The following SIM1 variants were observed in gnomAD, a reference collection of about 807,000 sequenced individuals.
The protein encoded by SIM1 is single-minded homolog 1.
SIM1 carries 18 observed loss-of-function variants against 78.2 expected under a neutral mutation model. The observed-to-expected ratio is 0.23, with a 90% CI of 0.16 to 0.34. SIM1 has a LOEUF of 0.34. Among genes scored for constraint, SIM1 ranks in the 10% least tolerant of loss-of-function variants. The pLI, the probability that SIM1 is intolerant of heterozygous loss-of-function variation, is 1.00. For synonymous variants in SIM1, 417 were observed against 385.2 expected (o/e 1.08, Z -0.97); for missense variants, 939 against 975.1 (o/e 0.96, Z 0.49).
chr6:100,421,206 C>T (rs974776590), intron 9 of SIM1, among the ~76,000 whole-genome samples: 4 of 152,034 alleles, frequency 2.6e-5, no homozygotes, highest in African/African-American at 9.7e-5. Context: ...ATTCTCTGAA[C>T]TTCTGTGAGC....
chr6:100,403,751 C>T (rs920892920), intron 10 of SIM1, among the ~76,000 whole-genome samples: 2 of 152,144 alleles, frequency 1.3e-5, no homozygotes, highest in African/African-American at 4.8e-5. Context: ...CTAACTAATA[C>T]CCATTACAAC....
At chr6:100,438,076 C>T (rs1772103534) in intron 9 of SIM1, among the ~76,000 whole-genome samples, 1 of 151,872 alleles carries the variant, frequency 6.6e-6, no homozygotes, top group Non-Finnish European at 1.5e-5. Context: ...GGCTATGACC[C>T]CAAAAGCAAA....
intron 6 of SIM1, 37 bp from the exon 7 acceptor site, chr6:100,448,715 G>A (rs1431174100): frequency 6.3e-7 from 1 of 1,575,068 alleles, no homozygotes; most frequent in Non-Finnish European, 8.6e-7. Context: ...CTCAGCCACA[G>A]GTAGGAAGAG....
At chr6:100,442,223 G>T (rs1056150456) in intron 9 of SIM1, among the ~76,000 whole-genome samples, 1 of 152,056 alleles carries the variant, frequency 6.6e-6, no homozygotes, top group Non-Finnish European at 1.5e-5. Context: ...ACCAAATACA[G>T]ATCCTTTTGA....
intron 10 of SIM1, among the ~76,000 whole-genome samples, chr6:100,405,584 C>T (rs1050169261): frequency 1.3e-5 from 2 of 151,796 alleles, no homozygotes; most frequent in African/African-American, 4.8e-5. Flanking sequence ...ATATTTTAGT[C>T]ATATTTAGCT....
In SIM1 at chr6:100,390,486, T is replaced by A; in HGVS notation, c.2176A>T (p.Thr726Ser). ...YALEHLYDSE[T>S]IRNYSLGCNG... ...CAGCCCAAGGAATAGTTTCTAATGG[T>A]TTCGCTGTCATATAAGTGCTCCAGG... The change falls in exon 12 of 12, where the codon ACC becomes TCC. Residue 726 changes from threonine to serine, a missense_variant. Physicochemically the swap from Thr to Ser is moderately conservative, Grantham distance 58. Coordinates refer to ENST00000369208, the MANE Select transcript of SIM1 (RefSeq NM_005068.3). The A allele has an allele frequency of 1.2e-6, 2 of 1,614,122 alleles. No individual in the cohort carries two copies. Among genetic ancestry groups the A allele is most frequent in the Non-Finnish European group, 1.7e-6 (2 of 1,180,012 alleles).
chr6:100,463,005 G>T (rs1409606206), intron 2 of SIM1: 5 of 325,338 alleles, frequency 1.5e-5, no homozygotes, highest in Non-Finnish European at 2.8e-5. Flanking sequence ...ACTTTCAATT[G>T]AGCCTAGTAT....
In SIM1 at chr6:100,394,059, C is replaced by G. The variant is rs1292603543; in HGVS notation, c.1168-170G>C. 7 of 542,354 alleles carry G rather than the reference C, an allele frequency of 1.3e-5. No homozygotes were observed. In the East Asian group the frequency reaches 2.0e-4, roughly 15 times the overall value. 33.6% of individuals were successfully genotyped at this position (542,354 alleles called of 1,614,324 possible). ...TGGCATCATGGCTGTGCACACCTAACTTGGAATTACTTAATTCATTATGAT... is the reference window on the plus strand; with the variant it reads ...TGGCATCATGGCTGTGCACACCTAAGTTGGAATTACTTAATTCATTATGAT... On this transcript the variant is annotated intron_variant, in intron 10 of 11. Transcript: ENST00000369208.
intron 9 of SIM1, among the ~76,000 whole-genome samples, chr6:100,434,784 C>A (rs1024123040): frequency 6.6e-6 from 1 of 152,118 alleles, no homozygotes. Context: ...ATTATGATAT[C>A]CAGTTCAATA....
intron 10 of SIM1, among the ~76,000 whole-genome samples, chr6:100,419,096 G>T (rs1042608463): frequency 6.6e-5 from 10 of 152,062 alleles, no homozygotes; most frequent in African/African-American, 2.4e-4. Flanking sequence ...GACCCAGGAG[G>T]CAGAGGTTGT....
intron 3 of SIM1, among the ~76,000 whole-genome samples, 162 bp from the exon 4 acceptor site, chr6:100,450,518 T>C (rs970082960): frequency 1.3e-5 from 2 of 152,170 alleles, no homozygotes; most frequent in African/African-American, 4.8e-5. Flanking sequence ...CATGAGCCCT[T>C]TTGTTCATTC....
chr6:100,434,989 T>G (rs1291881823), intron 9 of SIM1, among the ~76,000 whole-genome samples: 1 of 152,202 alleles, frequency 6.6e-6, no homozygotes, highest in Non-Finnish European at 1.5e-5. Context: ...CCCATTTGAA[T>G]CCTCGTAAAA....
In SIM1 at chr6:100,415,665, T is replaced by C. The variant is rs1771379930; in HGVS notation, c.1167+5125A>G. Among the ~76,000 whole-genome samples, 4 of 152,174 alleles carry C rather than the reference T, an allele frequency of 2.6e-5. No individual in the cohort carries two copies. In the South Asian group the frequency reaches 6.2e-4, roughly 24 times the overall value. The stretch of plus-strand genomic sequence containing the variant: ...AGGGACCTAAAGTTTCATCTATTAA[T>C]GCAGACAAACTGGACAAACTGAGTG... On this transcript the variant is annotated intron_variant, in intron 10 of 11. Coordinates refer to ENST00000369208, the MANE Select transcript of SIM1 (RefSeq NM_005068.3).
rs58593533 is a variant in SIM1 at position 100,436,742 on chromosome 6, A to ATTTT, written c.998+10522_998+10525dup. 3.1e-3 allele frequency among the ~76,000 whole-genome samples: 412 copies of ATTTT among 134,204 alleles called. 2 individuals are homozygous for ATTTT. Among genetic ancestry groups the ATTTT allele is most frequent in the African/African-American group, 0.01 (371 of 36,314 alleles). The allele number at this position is 134,204 out of a possible 152,430, so 88.0% of individuals were successfully genotyped here. A position where few individuals can be genotyped will look rare whatever the true frequency, so the allele number is the denominator to read the frequency against. ...TTTTGTTTTTGTTTTTGTTTTTGGTATTTTTTTTTTTTTTTGAGATGGCCT... is the reference window on the plus strand; with the variant it reads ...TTTTGTTTTTGTTTTTGTTTTTGGTATTTTTTTTTTTTTTTTTTTGAGATGGCCT... On this transcript the variant is annotated intron_variant, in intron 9 of 11. Coordinates refer to ENST00000369208, the MANE Select transcript of SIM1 (RefSeq NM_005068.3).
chr6:100,448,313 A>T, intron 7 of SIM1, 61 bp from the exon 8 acceptor site: 1 of 1,421,730 alleles, frequency 7.0e-7, no homozygotes. Flanking sequence ...CCCTCCCCAC[A>T]CACCCTCGAC....
intron 9 of SIM1, among the ~76,000 whole-genome samples, chr6:100,446,303 A>G (rs3798490): frequency 0.26 from 39,672 of 151,956 alleles, 5,466 homozygotes; most frequent in East Asian, 0.4. Flanking sequence ...CCAACTTCCT[A>G]ATGTCTAAAT....
rs765774144 is a variant in SIM1 at position 100,393,583 on chromosome 6, A to T, written c.1474T>A (p.Ser492Thr). ...PQAGREPWWG[S>T]RAALPLTKAS... ...TTTGTCAGGGGCAAGGCTGCGCGAGAGCCCCACCAGGGCTCCCTCCCGGCC... is the reference window on the plus strand; with the variant it reads ...TTTGTCAGGGGCAAGGCTGCGCGAGTGCCCCACCAGGGCTCCCTCCCGGCC... Residue 492 changes from serine (S) to threonine (T), a missense_variant, in exon 11 of 12, where the codon TCT becomes ACT. By Grantham distance (58) the Ser-to-Thr change is moderately conservative. Around this residue, in one of 5 missense-constraint regions of SIM1, gnomAD observed 556 missense variants for 521.9 expected, o/e 1.07. Coordinates refer to ENST00000369208, the MANE Select transcript of SIM1 (RefSeq NM_005068.3). 5.0e-6 allele frequency: 8 copies of T among 1,613,598 alleles called. No individual in the cohort carries two copies. The South Asian group carries it at 8.8e-5, about 18-fold the overall frequency.
intron 9 of SIM1, among the ~76,000 whole-genome samples, chr6:100,440,521 G>A (rs1387545184): frequency 6.6e-6 from 1 of 152,194 alleles, no homozygotes; most frequent in African/African-American, 2.4e-5. Context: ...CCAAGGAGGA[G>A]CCCTCTTCCC....
rs1064795024 is a variant in SIM1, at chr6:100,390,539, T to C, written c.2123A>G (p.Lys708Arg). 2 of 1,614,200 alleles carry C rather than the reference T, an allele frequency of 1.2e-6. No homozygotes were observed. The highest frequency in any genetic ancestry group is 1.7e-6 in the Non-Finnish European group (2 of 1,180,030). ...CFGSHRQYFD[K>R]HAYTLTGYAL... ...ATATCCAGTTAATGTGTAAGCATGCTTGTCAAAATACTGCCGGTGAGAGCC... is the reference window on the plus strand; with the variant it reads ...ATATCCAGTTAATGTGTAAGCATGCCTGTCAAAATACTGCCGGTGAGAGCC... Residue 708 changes from lysine (K) to arginine (R), a missense_variant, in exon 12 of 12, where the codon AAG becomes AGG. Lys to Arg is a conservative substitution (Grantham distance 26). Around this residue, in one of 5 missense-constraint regions of SIM1, gnomAD observed 556 missense variants for 521.9 expected, o/e 1.07. Coordinates refer to ENST00000369208, the MANE Select transcript of SIM1 (RefSeq NM_005068.3).
Sources: gnomAD v4.1 joint callset for allele counts (sites outside exome capture counted in the v4.1 genomes callset) on GRCh38, gnomAD v4.1.1 for gene constraint, gnomAD v4.1.1 regional missense constraint, MANE v1.5 for transcripts, NCBI Gene and HGNC (gene_info 2026-07-23, HGNC 2026-07-21) for gene names.